VWA3B: variants seen among roughly 807,000 people sequenced by gnomAD.
The protein encoded by VWA3B is von Willebrand factor A domain containing 3B.
In VWA3B, 138 loss-of-function variants were observed where a neutral mutation model predicts 158.3. That is an observed-to-expected ratio of 0.87 (90% CI 0.76 to 1.00). The LOEUF is 1.00. VWA3B is among the 50% of genes least tolerant of loss of function. VWA3B has a pLI of 0.00. For missense variants in VWA3B, 1,555 were observed against 1,565.1 expected (o/e 0.99, Z 0.11); for synonymous variants, 596 against 587.3 (o/e 1.01, Z -0.21).
At chr2:98,130,891 A>G (rs1403043821) in intron 6 of VWA3B, among the ~76,000 whole-genome samples, 2 of 152,188 alleles carry the variant, frequency 1.3e-5, no homozygotes, top group African/African-American at 4.8e-5. Flanking sequence ...GGGATTTAGG[A>G]TGTGCATCAC....
At chr2:98,324,749 A>G in the VWA3B span, among the ~76,000 whole-genome samples, 1 of 152,208 alleles carries the variant, frequency 6.6e-6, no homozygotes, top group African/African-American at 2.4e-5. Context: ...ATATAAGCCA[A>G]TTAACCCTGA....
chr2:98,153,865 A>AT (rs966363733), intron 7 of VWA3B, among the ~76,000 whole-genome samples: 1 of 151,916 alleles, frequency 6.6e-6, no homozygotes, highest in African/African-American at 2.4e-5. Flanking sequence ...TTTCTTTTCT[A>AT]TTTTTTTAAA....
chr2:98,204,299 A>AT (rs201868671), intron 12 of VWA3B, among the ~76,000 whole-genome samples: 1,676 of 152,368 alleles, frequency 0.011, 34 homozygotes, highest in Non-Finnish European at 0.014. Context: ...ACTACATTGA[A>AT]TAGGTATGTT....
At chr2:98,165,077 C>T (rs1185757698) in intron 8 of VWA3B, among the ~76,000 whole-genome samples, 3 of 152,326 alleles carry the variant, frequency 2.0e-5, no homozygotes, top group East Asian at 3.9e-4. Context: ...CATTCTTTGC[C>T]CTTTCACAAT....
intron 8 of VWA3B, among the ~76,000 whole-genome samples, chr2:98,173,347 G>A (rs761759108): frequency 4.6e-5 from 7 of 152,106 alleles, no homozygotes; most frequent in African/African-American, 7.2e-5. Flanking sequence ...TCTGTGTAGA[G>A]TCAAGTGAAC....
At chr2:98,300,455 C>T (rs1690107515) in intron 25 of VWA3B, among the ~76,000 whole-genome samples, 1 of 152,216 alleles carries the variant, frequency 6.6e-6, no homozygotes, top group Admixed American at 6.5e-5. Context: ...CCATGCTTTG[C>T]ATTTGACGGA....
Position 98,303,762 on chromosome 2 carries a change from T to C in VWA3B, c.3481T>C (p.Ser1161Pro). 1 of 1,614,164 alleles carries C rather than the reference T, an allele frequency of 6.2e-7. No individual in the cohort carries two copies. The highest frequency in any genetic ancestry group is 1.3e-5 in the African/African-American group (1 of 75,034). ...ISQNKYALSC[S>P]HIKSPPIPED... ...CCAAAACAAGTATGCGCTCTCTTGC[T>C]CTCATATAAAGTCACCCCCAATTCC... Residue 1161 changes from serine (S) to proline (P), a missense_variant, in exon 26 of 28, where the codon TCT becomes CCT. Physicochemically the swap from Ser to Pro is moderately conservative, Grantham distance 74. Coordinates refer to ENST00000477737, the MANE Select transcript of VWA3B (RefSeq NM_144992.5).
intron 9 of VWA3B, among the ~76,000 whole-genome samples, chr2:98,184,985 C>T (rs1288085344): frequency 1.3e-5 from 2 of 152,226 alleles, no homozygotes; most frequent in Non-Finnish European, 1.5e-5. Context: ...TTCATAGTGA[C>T]TTCAGTCCCA....
At chr2:98,223,812 C>T (rs1684697572) in intron 14 of VWA3B, among the ~76,000 whole-genome samples, 1 of 152,142 alleles carries the variant, frequency 6.6e-6, no homozygotes, top group Non-Finnish European at 1.5e-5. Flanking sequence ...CTCACTGAAG[C>T]CTTAAACTGT....
the VWA3B span, among the ~76,000 whole-genome samples, chr2:98,323,129 A>G: frequency 9.9e-5 from 15 of 152,034 alleles, no homozygotes; most frequent in African/African-American, 2.7e-4. Flanking sequence ...TAAAAGACAA[A>G]CATTCAATAA....
chr2:98,256,079 T>C, intron 20 of VWA3B, 45 bp from the exon 21 acceptor site: 1 of 1,609,200 alleles, frequency 6.2e-7, no homozygotes, highest in Non-Finnish European at 8.5e-7. Context: ...TGCCATGAAA[T>C]GAAGTACTGC....
intron 14 of VWA3B, among the ~76,000 whole-genome samples, chr2:98,219,858 G>A (rs1206814438): frequency 1.3e-5 from 2 of 152,068 alleles, no homozygotes; most frequent in Non-Finnish European, 2.9e-5. Context: ...ATATAAAATA[G>A]ACTTTTTAAG....
At chr2:98,243,338 AT>A (rs372807114) in intron 19 of VWA3B, among the ~76,000 whole-genome samples, 9 of 150,004 alleles carry the variant, frequency 6.0e-5, no homozygotes, top group South Asian at 2.1e-4. Context: ...GTGAGATGTA[AT>A]TTTTTTTTTC....
chr2:98,299,374 C>G (rs1690038475), intron 24 of VWA3B, among the ~76,000 whole-genome samples: 1 of 152,208 alleles, frequency 6.6e-6, no homozygotes, highest in Admixed American at 6.5e-5. Context: ...GGCTCATCCT[C>G]TTGCCGCGTT....
chr2:98,133,818 T>C lies in VWA3B; in HGVS notation c.873-6T>C. 1 of 1,613,738 alleles carries C rather than the reference T, an allele frequency of 6.2e-7. No individual in the cohort carries two copies. The highest frequency in any genetic ancestry group is 1.1e-5 in the South Asian group (1 of 91,074). On this transcript the variant is annotated splice_region_variant and splice_polypyrimidine_tract_variant and intron_variant, in intron 6 of 27. Coordinates refer to ENST00000477737, the MANE Select transcript of VWA3B (RefSeq NM_144992.5). ...CCTTCCTAATGAGCATCTCTTCACGTTTCAGATTCCACGCATTTGCCGAGA... is the reference window on the plus strand; with the variant it reads ...CCTTCCTAATGAGCATCTCTTCACGCTTCAGATTCCACGCATTTGCCGAGA...
At chr2:98,172,957 C>A (rs1280481444) in intron 8 of VWA3B, among the ~76,000 whole-genome samples, 2 of 152,160 alleles carry the variant, frequency 1.3e-5, no homozygotes, top group Non-Finnish European at 2.9e-5. Flanking sequence ...GTTTCTGAAT[C>A]TTTGACCCCT....
intron 26 of VWA3B, among the ~76,000 whole-genome samples, chr2:98,308,428 C>T (rs770727597): frequency 1.1e-4 from 17 of 152,228 alleles, no homozygotes; most frequent in Non-Finnish European, 2.4e-4. Context: ...TAGTCCGTAT[C>T]CTGTCTATAA....
chr2:98,313,566 A>G (rs1009555323), downstream of VWA3B, among the ~76,000 whole-genome samples: 2 of 152,208 alleles, frequency 1.3e-5, no homozygotes, highest in African/African-American at 4.8e-5. Context: ...GAAACCACCC[A>G]GTCATAGGCA....
chr2:98,158,472 T>C (rs1254223808), intron 7 of VWA3B, among the ~76,000 whole-genome samples: 2 of 152,176 alleles, frequency 1.3e-5, no homozygotes, highest in African/African-American at 2.4e-5. Flanking sequence ...CTGACTTAAA[T>C]TAGACTGGAC....
Sources: allele counts gnomAD v4.1 joint callset (sites outside exome capture counted in the v4.1 genomes callset), GRCh38; gene constraint gnomAD v4.1.1; transcripts MANE v1.5; gene names NCBI Gene and HGNC (gene_info 2026-07-23, HGNC 2026-07-21).